Variants in RALGPS2 observed in about 807,000 individuals in gnomAD.
RALGPS2 encodes the protein ras-specific guanine nucleotide-releasing factor RalGPS2.
RALGPS2 carries 43 observed loss-of-function variants against 86.8 expected under a neutral mutation model. The ratio of observed to expected loss-of-function variants is 0.50; its 90% CI spans 0.39 to 0.64. RALGPS2 has a LOEUF of 0.64. RALGPS2 is among the 30% of genes least tolerant of loss of function. RALGPS2 has a pLI of 0.00. For missense variants in RALGPS2, 536 were observed against 694.6 expected (o/e 0.77, Z 2.57); for synonymous variants, 243 against 231.3 (o/e 1.05, Z -0.46).
intron 8 of RALGPS2, chr1:178,865,943 A>G: frequency 1.9e-6 from 1 of 540,010 alleles, no homozygotes; most frequent in Non-Finnish European, 3.2e-6. Context: ...AATTAACTTT[A>G]TTAATTTCTT....
At chr1:178,837,786 A>G (rs1226816539) in intron 8 of RALGPS2, among the ~76,000 whole-genome samples, 12 of 152,312 alleles carry the variant, frequency 7.9e-5, no homozygotes, top group African/African-American at 2.9e-4. Context: ...AACCAAGGGA[A>G]GGTGTGACAG....
rs542707768 is a variant in RALGPS2, at chr1:178,906,278, G to T, written c.1631-498G>T. Reference sequence around the variant, plus strand: ...TAATCCCAGCTTATTGGGAGGCCGAGACACGAGAATCTCATAAAGCTGGGA... The same window carrying T: ...TAATCCCAGCTTATTGGGAGGCCGATACACGAGAATCTCATAAAGCTGGGA... On this transcript the variant is annotated intron_variant, in intron 18 of 19. Coordinates refer to ENST00000367635, the MANE Select transcript of RALGPS2 (RefSeq NM_152663.5). 2.0e-5 allele frequency among the ~76,000 whole-genome samples: 3 copies of T among 151,990 alleles called. 1 individual carries two copies. In the East Asian group the frequency reaches 5.8e-4, roughly 29 times the overall value.
At chr1:178,914,102 G>A (rs1263479735) in intron 19 of RALGPS2, among the ~76,000 whole-genome samples, 1 of 152,118 alleles carries the variant, frequency 6.6e-6, no homozygotes, top group Non-Finnish European at 1.5e-5. Context: ...GGGACATGCA[G>A]CTCAGACTCA....
At chr1:178,900,483 T>G (rs34866383) in intron 17 of RALGPS2, among the ~76,000 whole-genome samples, 35,802 of 151,802 alleles carry the variant, frequency 0.24, 4,958 homozygotes, top group Non-Finnish European at 0.32. Flanking sequence ...GTATTGTTTT[T>G]GTGGTGGCCA....
rs562218333 is a variant in RALGPS2, at chr1:178,896,910, C to T, written c.1432-754C>T. ...AAGTCTTTGCTATTGTGAATAATGC[C>T]GCAATAAACATACGTGTGCATGTGT... On this transcript the variant is annotated intron_variant, in intron 16 of 19. Transcript: ENST00000367635. 5.1e-3 allele frequency among the ~76,000 whole-genome samples: 750 copies of T among 146,020 alleles called. 4 individuals are homozygous for T. The highest frequency in any genetic ancestry group is 0.015 in the African/African-American group (595 of 39,174).
At chr1:178,734,101 A>T (rs1057047812) in intron 1 of RALGPS2, among the ~76,000 whole-genome samples, 1 of 152,244 alleles carries the variant, frequency 6.6e-6, no homozygotes, top group South Asian at 2.1e-4. Flanking sequence ...GCCAATAAGC[A>T]CATGAAAACA....
intron 1 of RALGPS2, among the ~76,000 whole-genome samples, chr1:178,730,952 G>A (rs571101247): frequency 7.9e-5 from 12 of 151,996 alleles, no homozygotes; most frequent in Non-Finnish European, 1.8e-4. Context: ...CCCACCTCAG[G>A]CTCCCAGAGT....
At chr1:178,809,777 C>T (rs1654891212) in intron 5 of RALGPS2, among the ~76,000 whole-genome samples, 1 of 152,010 alleles carries the variant, frequency 6.6e-6, no homozygotes, top group Non-Finnish European at 1.5e-5. Flanking sequence ...GAGAATGTTC[C>T]AGCAATCGAG....
intron 1 of RALGPS2, among the ~76,000 whole-genome samples, chr1:178,760,209 G>A (rs796600390): frequency 7.2e-5 from 11 of 152,196 alleles, no homozygotes; most frequent in African/African-American, 2.6e-4. Flanking sequence ...TGACTATTAG[G>A]TCCAGTTGGT....
rs775731209 is a variant in RALGPS2, at chr1:178,751,153, C to G, written c.-83-25529C>G. ...ACACACACCCTATGTCCCTCCCCCC[C>G]AAACCCTTATGCTTTTTTCTACAAA... On this transcript the variant is annotated intron_variant, in intron 1 of 19. Transcript: ENST00000367635. Among the ~76,000 whole-genome samples the G allele has an allele frequency of 5.9e-5, 9 of 152,280 alleles. No homozygotes were observed. In the South Asian group the frequency reaches 6.2e-4, roughly 11 times the overall value.
At chr1:178,763,514 T>C (rs751779654) in intron 1 of RALGPS2, among the ~76,000 whole-genome samples, 2 of 152,242 alleles carry the variant, frequency 1.3e-5, no homozygotes, top group Non-Finnish European at 2.9e-5. Flanking sequence ...GTGTCCTCTC[T>C]GTTTCTTTGA....
intron 1 of RALGPS2, among the ~76,000 whole-genome samples, chr1:178,743,666 C>T (rs1170104452): frequency 6.6e-6 from 1 of 152,114 alleles, no homozygotes; most frequent in African/African-American, 2.4e-5. Flanking sequence ...ACAGAAGTGA[C>T]ATCATTACAG....
intron 1 of RALGPS2, among the ~76,000 whole-genome samples, chr1:178,738,863 G>T (rs1650867377): frequency 6.6e-6 from 1 of 152,128 alleles, no homozygotes; most frequent in South Asian, 2.1e-4. Flanking sequence ...TGCATCTGTG[G>T]TTATTCTAGA....
At position 178,808,028 on chromosome 1, in the gene RALGPS2, T is replaced by C; in HGVS notation, c.214-17T>C. The C allele has an allele frequency of 6.5e-7, 1 of 1,546,586 alleles. No individual in the cohort carries two copies. The highest frequency in any genetic ancestry group is 8.9e-7 in the Non-Finnish European group (1 of 1,120,364). On this transcript the variant is annotated splice_polypyrimidine_tract_variant and intron_variant, in intron 4 of 19. Coordinates refer to ENST00000367635, the MANE Select transcript of RALGPS2 (RefSeq NM_152663.5). ...CTAGGCTATTACTTAAATTTAATTT[T>C]CACCTTAATTTTCCAGGAGCTTTCA...
Position 178,902,186 on chromosome 1 carries a change from C to G in RALGPS2, c.1605C>G (p.Leu535=). 1.2e-6 allele frequency: 2 copies of G among 1,612,770 alleles called. No homozygotes were observed. The stretch of plus-strand genomic sequence containing the variant: ...CTGATGACCCTGAACATCCTGATCT[C>G]TTCCTGCTGACTGACTCTGAGAAAG... The part of the protein sequence containing the change: ...MMADDPEHPD[L]FLLTDSEKGN... Residue 535 remains leucine (L), a synonymous_variant, in exon 18 of 20, where the codon CTC becomes CTG. Transcript: ENST00000367635.
chr1:178,754,569 C>T (rs1651856126), intron 1 of RALGPS2, among the ~76,000 whole-genome samples: 1 of 152,122 alleles, frequency 6.6e-6, no homozygotes, highest in Non-Finnish European at 1.5e-5. Flanking sequence ...CCTTTTTGTT[C>T]TATTCATACC....
At chr1:178,763,618 G>C (rs1245681234) in intron 1 of RALGPS2, among the ~76,000 whole-genome samples, 1 of 152,100 alleles carries the variant, frequency 6.6e-6, no homozygotes, top group East Asian at 1.9e-4. Flanking sequence ...ATGGTGAATG[G>C]GATTACATTT....
At chr1:178,871,270 G>C (rs1572434882) in intron 8 of RALGPS2, among the ~76,000 whole-genome samples, 1 of 152,152 alleles carries the variant, frequency 6.6e-6, no homozygotes, top group East Asian at 1.9e-4. Flanking sequence ...GTTGAAGGAA[G>C]GGCACCATCT....
At chr1:178,799,063 G>A (rs141288960) in intron 4 of RALGPS2, among the ~76,000 whole-genome samples, 4,593 of 152,094 alleles carry the variant, frequency 0.03, 229 homozygotes, top group African/African-American at 0.1. Context: ...GTTTTGAGAC[G>A]GAGTCTTGCT....
Sources: gnomAD v4.1 joint callset for allele counts (sites outside exome capture counted in the v4.1 genomes callset) on GRCh38, gnomAD v4.1.1 for gene constraint, MANE v1.5 for transcripts, NCBI Gene and HGNC (gene_info 2026-07-23, HGNC 2026-07-21) for gene names.